PANK1: variants seen among roughly 807,000 people sequenced by gnomAD.
PANK1 encodes the protein pantothenic acid kinase 1.
PANK1 carries 18 observed loss-of-function variants against 40.1 expected under a neutral mutation model. The observed-to-expected ratio is 0.45, with a 90% CI of 0.31 to 0.67. The LOEUF (loss-of-function observed/expected upper bound fraction) is 0.67, where lower values mean the gene tolerates loss of function less well. PANK1 is among the 30% of genes least tolerant of loss of function. PANK1 has a pLI of 0.06. For synonymous variants in PANK1, 242 were observed against 237.7 expected, an observed-to-expected ratio of 1.02 and a Z score of -0.17; for missense variants, 457 against 599.6, an observed-to-expected ratio of 0.76 and a Z score of 2.48.
intron 1 of PANK1, among the ~76,000 whole-genome samples, 160 bp from the exon 2 acceptor site, chr10:89,612,208 G>C (rs1183684593): frequency 1.3e-5 from 2 of 152,190 alleles, no homozygotes; most frequent in Non-Finnish European, 1.5e-5. Flanking sequence ...AGGTGGCACA[G>C]ACAGAGAAAA....
At chr10:89,595,934 G>A (rs2133936547) in intron 3 of PANK1, among the ~76,000 whole-genome samples, 2 of 141,314 alleles carry the variant, frequency 1.4e-5, no homozygotes, top group East Asian at 4.1e-4. Context: ...GAAATTATGG[G>A]TTTTCATGGA....
intron 1 of PANK1, among the ~76,000 whole-genome samples, chr10:89,633,290 C>T (rs1258269097): frequency 1.3e-5 from 2 of 152,152 alleles, no homozygotes; most frequent in African/African-American, 4.8e-5. Context: ...AGGATAATCC[C>T]AGCCTATATC....
chr10:89,587,032 A>C (rs916437811), intron 6 of PANK1, among the ~76,000 whole-genome samples: 1 of 152,038 alleles, frequency 6.6e-6, no homozygotes, highest in South Asian at 2.1e-4. Context: ...CTGAGGCTCG[A>C]GAATTGCTTG....
intron 1 of PANK1, among the ~76,000 whole-genome samples, chr10:89,640,448 AT>A (rs1210258244): frequency 1.3e-5 from 2 of 152,070 alleles, no homozygotes; most frequent in African/African-American, 2.4e-5. Flanking sequence ...AACTCTAGGC[AT>A]TTAAAAGGTG....
At chr10:89,592,487 TAA>T (rs1844426365) in intron 5 of PANK1, among the ~76,000 whole-genome samples, 1 of 152,214 alleles carries the variant, frequency 6.6e-6, no homozygotes, top group African/African-American at 2.4e-5. Context: ...GCTGTATTTA[TAA>T]AAACTCCATT....
chr10:89,593,937 T>A lies in PANK1; in HGVS notation c.952A>T (p.Thr318Ser), dbSNP rs1335474691. 1 of 1,613,654 alleles carries A rather than the reference T, an allele frequency of 6.2e-7. No individual in the cohort carries two copies. The highest frequency in any genetic ancestry group is 1.7e-5 in the Admixed American group (1 of 60,008). ...GCCATTTCCAGAGCTTCTTCAAAGG[T>A]CTCACAACCAGTCAGCAAGCAACAT... is the stretch of plus-strand genomic sequence containing the variant. ...GLCCLLTGCE[T>S]FEEALEMAAK... Residue 318 changes from threonine to serine, a missense_variant, in exon 4 of 7, where the codon ACC becomes TCC. Thr to Ser is a moderately conservative substitution (Grantham distance 58, BLOSUM62 1). Coordinates refer to ENST00000307534, the MANE Select transcript of PANK1 (RefSeq NM_148977.3).
intron 1 of PANK1, among the ~76,000 whole-genome samples, chr10:89,624,498 T>C (rs1028382286): frequency 2.0e-5 from 3 of 152,230 alleles, no homozygotes; most frequent in Non-Finnish European, 4.4e-5. Flanking sequence ...TACACCCATC[T>C]TCAGGTTAAA....
intron 1 of PANK1, chr10:89,643,687 C>T (rs373285299): frequency 2.9e-5 from 46 of 1,602,012 alleles, no homozygotes; most frequent in Non-Finnish European, 3.9e-5. Flanking sequence ...TTAGCATTTA[C>T]TGTACTTACT....
chr10:89,587,926 G>C (rs981243125), intron 6 of PANK1, among the ~76,000 whole-genome samples: 3 of 152,102 alleles, frequency 2.0e-5, no homozygotes, highest in Admixed American at 6.5e-5. Context: ...CAAATACTTA[G>C]ATTTCTTTGG....
chr10:89,598,732 C>G (rs1195158765), intron 3 of PANK1, among the ~76,000 whole-genome samples: 1 of 152,232 alleles, frequency 6.6e-6, no homozygotes, highest in African/African-American at 2.4e-5. Flanking sequence ...GTCTACTCCA[C>G]TCCAAAATTC....
rs190495262 is a variant in PANK1, at chr10:89,639,098, G to A, written c.292+5502C>T. The A allele has an allele frequency of 3.1e-4, 112 of 355,750 alleles. 1 individual carries two copies. Among genetic ancestry groups the A allele is most frequent in the South Asian group, 1.0e-3 (48 of 46,460 alleles). The allele number at this position is 355,750 out of a possible 1,614,324, so 22.0% of individuals were successfully genotyped here. A position where few individuals can be genotyped will look rare whatever the true frequency, so the allele number is the denominator to read the frequency against. ...TTGTCCAGTTTGTGTTGCTATAATA[G>A]AATACCTGTGACTGGGTAATTAATA... On this transcript the variant is annotated intron_variant, in intron 1 of 6. Coordinates refer to ENST00000307534, the MANE Select transcript of PANK1 (RefSeq NM_148977.3).
At chr10:89,638,421 C>T (rs1841886447) in intron 1 of PANK1, among the ~76,000 whole-genome samples, 1 of 152,226 alleles carries the variant, frequency 6.6e-6, no homozygotes, top group African/African-American at 2.4e-5. Context: ...TCTATCCCTA[C>T]TGATCTCCTT....
rs112691647 is a variant in PANK1 at position 89,644,111 on chromosome 10, G to C, written c.292+489C>G. 1.7e-3 allele frequency among the ~76,000 whole-genome samples: 265 copies of C among 152,212 alleles called. 1 individual carries two copies. The highest frequency in any genetic ancestry group is 6.0e-3 in the African/African-American group (250 of 41,542). On this transcript the variant is annotated intron_variant, in intron 1 of 6. Transcript: ENST00000307534. Reference sequence around the variant, plus strand: ...TTAAACTCCACGCCTCCAGACTTGCGCTCTCCAATAGACCCGAGACGCTGC... The same window carrying C: ...TTAAACTCCACGCCTCCAGACTTGCCCTCTCCAATAGACCCGAGACGCTGC...
At chr10:89,579,865 A>T (rs905788624), downstream of PANK1, 1 of 152,364 alleles carries the variant, frequency 6.6e-6, no homozygotes, top group Admixed American at 6.5e-5. Context: ...AGTCTTGTTC[A>T]CATCGGATTG....
At chr10:89,611,665 T>C (rs1296402609) in intron 2 of PANK1, 31 bp downstream of exon 2, 1 of 1,488,502 alleles carries the variant, frequency 6.7e-7, no homozygotes, top group Non-Finnish European at 9.2e-7. Flanking sequence ...TGAGAGGTTT[T>C]GATGTTTTAA....
chr10:89,584,275 T>TCCC lies in PANK1; in HGVS notation c.*130_*131insGGG. 1.6e-6 allele frequency: 1 copy of TCCC among 642,824 alleles called. No individual in the cohort carries two copies. Among genetic ancestry groups the TCCC allele is most frequent in the Admixed American group, 2.4e-5 (1 of 42,524 alleles). The allele number at this position is 642,824 out of a possible 1,614,324, so 39.8% of individuals were successfully genotyped here. A position where few individuals can be genotyped will look rare whatever the true frequency, so the allele number is the denominator to read the frequency against. ...AAAGATCATCTGGAAGGATTTTAAA[T>TCCC]TATTTACAAATCCAGCAGGTTCATC... On this transcript the variant is annotated 3_prime_UTR_variant, in exon 7 of 7. Coordinates refer to ENST00000307534, the MANE Select transcript of PANK1 (RefSeq NM_148977.3).
At chr10:89,605,683 A>AAC (rs369171684) in intron 2 of PANK1, among the ~76,000 whole-genome samples, 104 of 152,246 alleles carry the variant, frequency 6.8e-4, no homozygotes, top group African/African-American at 2.4e-3. Flanking sequence ...ACTTCTTCCA[A>AAC]ACTCCTCCTA....
At chr10:89,585,915 A>G (rs1467078783) in intron 6 of PANK1, among the ~76,000 whole-genome samples, 5 of 152,228 alleles carry the variant, frequency 3.3e-5, no homozygotes, top group Non-Finnish European at 1.5e-5. Flanking sequence ...TGAGGAACAC[A>G]TTATGAGGGT....
chr10:89,626,021 C>T lies in PANK1; in HGVS notation c.293-13973G>A, dbSNP rs1016329179. 3.9e-5 allele frequency among the ~76,000 whole-genome samples: 6 copies of T among 152,304 alleles called. No homozygotes were observed. The South Asian group carries it at 1.0e-3, about 26-fold the overall frequency. On this transcript the variant is annotated intron_variant, in intron 1 of 6. Transcript: ENST00000307534. ...CAAGAAAATCAGAGAGAAAGATGAG[C>T]GTCACTCTAGGGACCAGTGAGCTCA...
Sources: gnomAD v4.1 joint callset for allele counts (sites outside exome capture counted in the v4.1 genomes callset) on GRCh38, gnomAD v4.1.1 for gene constraint, MANE v1.5 for transcripts, NCBI Gene and HGNC (gene_info 2026-07-23, HGNC 2026-07-21) for gene names.